CUX1: variants seen among roughly 807,000 people sequenced by gnomAD.
The protein encoded by CUX1 is protein CASP.
CUX1 carries 31 observed loss-of-function variants against 158.8 expected under a neutral mutation model. The ratio of observed to expected loss-of-function variants is 0.20; its 90% CI spans 0.15 to 0.26. The LOEUF is 0.26. Among genes scored for constraint, CUX1 ranks in the 10% least tolerant of loss-of-function variants. The pLI is 1.00. For missense variants in CUX1, 1,589 were observed against 2,014.6 expected, an observed-to-expected ratio of 0.79 and a Z score of 4.04; for synonymous variants, 879 against 862.1, an observed-to-expected ratio of 1.02 and a Z score of -0.34.
At chr7:102,094,564 TGG>T (rs1828986494) in intron 4 of CUX1, among the ~76,000 whole-genome samples, 1 of 152,162 alleles carries the variant, frequency 6.6e-6, no homozygotes, top group Non-Finnish European at 1.5e-5. Context: ...GCAGATACAG[TGG>T]GGTCCTGGCC....
chr7:101,946,929 C>T (rs923078344), intron 2 of CUX1, among the ~76,000 whole-genome samples: 5 of 152,030 alleles, frequency 3.3e-5, no homozygotes, highest in African/African-American at 9.7e-5. Context: ...GTGAGCTCGG[C>T]GGTGAGAAAA....
chr7:101,972,209 G>A (rs775295962), intron 2 of CUX1, among the ~76,000 whole-genome samples: 7 of 152,062 alleles, frequency 4.6e-5, no homozygotes, highest in South Asian at 2.1e-4. Flanking sequence ...ATCGTGATCC[G>A]CCTGCCTCCG....
At chr7:102,240,689 C>A (rs1457797266) in intron 23 of CUX1, among the ~76,000 whole-genome samples, 1 of 152,174 alleles carries the variant, frequency 6.6e-6, no homozygotes, top group African/African-American at 2.4e-5. Flanking sequence ...TGGGAAAGTT[C>A]ATGAGTTAAT....
chr7:102,193,743 A>C, intron 12 of CUX1, 99 bp from the exon 13 acceptor site: 1 of 1,211,764 alleles, frequency 8.3e-7, no homozygotes, highest in Non-Finnish European at 1.2e-6. Flanking sequence ...CAGAGGTTGC[A>C]GTGAGCCAAT....
At chr7:101,948,485 G>A (rs1010948070) in intron 2 of CUX1, among the ~76,000 whole-genome samples, 4 of 152,164 alleles carry the variant, frequency 2.6e-5, no homozygotes, top group East Asian at 1.9e-4. Flanking sequence ...GCTAGCCTTG[G>A]AACGTTGCCT....
chr7:102,125,139 T>C (rs1176920003), intron 8 of CUX1, among the ~76,000 whole-genome samples: 1 of 152,138 alleles, frequency 6.6e-6, no homozygotes, highest in Non-Finnish European at 1.5e-5. Context: ...TCCCACACTC[T>C]GTACACCACA....
At chr7:102,178,186 G>A (rs534034955) in intron 10 of CUX1, among the ~76,000 whole-genome samples, 1 of 152,334 alleles carries the variant, frequency 6.6e-6, no homozygotes, top group Admixed American at 6.5e-5. Flanking sequence ...ACAGGCGTGA[G>A]CCATTGCACC....
rs556237321 is a variant in CUX1 at position 102,250,062 on chromosome 7, G to GAAA, written c.*1030_*1032dup. On this transcript the variant is annotated 3_prime_UTR_variant, in exon 24 of 24. Transcript: ENST00000292535. ...TCAGGACAAAAAAAAGAAAAAAAAA[G>GAAA]AAAAAAAAAAAAGAAAAGATCCGAA... 3 of 802,746 alleles carry GAAA rather than the reference G, an allele frequency of 3.7e-6. No homozygotes were observed. In the African/African-American group the frequency reaches 6.2e-5, roughly 16 times the overall value. The allele number at this position is 802,746 out of a possible 1,614,324, so 49.7% of individuals were successfully genotyped here.
intron 2 of CUX1, among the ~76,000 whole-genome samples, chr7:101,980,614 A>T (rs947652046): frequency 6.6e-6 from 1 of 152,166 alleles, no homozygotes; most frequent in African/African-American, 2.4e-5. Flanking sequence ...ATTGGTTCTC[A>T]CTCAGGCAGA....
intron 1 of CUX1, among the ~76,000 whole-genome samples, chr7:101,819,336 T>G (rs1449765579): frequency 6.6e-6 from 1 of 152,220 alleles, no homozygotes; most frequent in Non-Finnish European, 1.5e-5. Context: ...ACTCTGTATG[T>G]TAGTGGAGCT....
chr7:102,135,469 G>A (rs1379303340), intron 8 of CUX1, among the ~76,000 whole-genome samples: 1 of 151,660 alleles, frequency 6.6e-6, no homozygotes, highest in Non-Finnish European at 1.5e-5. Flanking sequence ...GTGGGAGGGG[G>A]GCCAGACACA....
At position 102,249,306 on chromosome 7, in the gene CUX1, AGCCCGCG is replaced by A. The variant is rs1801223421; in HGVS notation, c.*268_*274del. 3.9e-6 allele frequency: 4 copies of A among 1,030,578 alleles called. No individual in the cohort carries two copies. Among genetic ancestry groups the A allele is most frequent in the Non-Finnish European group, 4.7e-6 (4 of 858,700 alleles). The allele number at this position is 1,030,578 out of a possible 1,614,324, so 63.8% of individuals were successfully genotyped here. On this transcript the variant is annotated 3_prime_UTR_variant, in exon 24 of 24. Coordinates refer to ENST00000292535, the MANE Select transcript of CUX1 (RefSeq NM_181552.4). Reference sequence around the variant, plus strand: ...TCCACCAACCCCGCGGCCCAGACCCAGCCCGCGGCCTGGACCCCTGGACCGCTTTGCG... The same window carrying A: ...TCCACCAACCCCGCGGCCCAGACCCAGCCTGGACCCCTGGACCGCTTTGCG...
At chr7:102,049,926 C>G (rs1295560396) in intron 3 of CUX1, among the ~76,000 whole-genome samples, 10 of 152,170 alleles carry the variant, frequency 6.6e-5, no homozygotes, top group African/African-American at 2.4e-4. Context: ...GCTCTAGGAA[C>G]AGTCTTGTCC....
intron 3 of CUX1, among the ~76,000 whole-genome samples, chr7:102,034,477 G>A (rs908698553): frequency 2.0e-5 from 3 of 151,968 alleles, no homozygotes; most frequent in Non-Finnish European, 4.4e-5. Context: ...AAAACAGGCC[G>A]GGCACTGTGG....
intron 2 of CUX1, among the ~76,000 whole-genome samples, chr7:101,981,105 TCTTTTGGC>T (rs1415650254): frequency 5.1e-4 from 77 of 152,238 alleles, no homozygotes; most frequent in Non-Finnish European, 9.9e-4. Context: ...GGGAGAGGCC[TCTTTTGGC>T]ATAGCTCCTG....
Position 102,197,312 on chromosome 7 carries a change from G to A in CUX1, c.1894+7G>A, listed in dbSNP as rs544682646. 6.2e-7 allele frequency: 1 copy of A among 1,607,840 alleles called. No individual in the cohort carries two copies. The highest frequency in any genetic ancestry group is 8.5e-7 in the Non-Finnish European group (1 of 1,175,038). Reference sequence around the variant, plus strand: ...ATCCAAGGCAGACAAAGAGGTGAGAGACTGGCGTTGGGTGGCGCCAGCGTG... The same window carrying A: ...ATCCAAGGCAGACAAAGAGGTGAGAAACTGGCGTTGGGTGGCGCCAGCGTG... On this transcript the variant is annotated splice_region_variant and intron_variant, in intron 15 of 23. Coordinates refer to ENST00000292535, the MANE Select transcript of CUX1 (RefSeq NM_181552.4).
intron 3 of CUX1, 142 bp from the exon 4 acceptor site, chr7:102,070,197 C>CCTTTTGT: frequency 3.0e-6 from 2 of 656,874 alleles, no homozygotes; most frequent in Non-Finnish European, 5.2e-6. Flanking sequence ...TGTTTGCAGG[C>CCTTTTGT]ATTTCCTCTA....
chr7:101,938,138 A>G (rs1167117812), intron 2 of CUX1, among the ~76,000 whole-genome samples: 1 of 149,606 alleles, frequency 6.7e-6, no homozygotes, highest in African/African-American at 2.5e-5. Flanking sequence ...TTTTTGAGAC[A>G]GTCTCACTCT....
intron 20 of CUX1, among the ~76,000 whole-genome samples, chr7:102,210,829 C>G (rs1459348686): frequency 1.3e-5 from 2 of 152,176 alleles, no homozygotes; most frequent in Non-Finnish European, 2.9e-5. Context: ...GCCCACGGGG[C>G]CGTGGGCTGT....
Sources: gnomAD v4.1 joint callset for allele counts (sites outside exome capture counted in the v4.1 genomes callset) on GRCh38, gnomAD v4.1.1 for gene constraint, MANE v1.5 for transcripts, NCBI Gene and HGNC (gene_info 2026-07-23, HGNC 2026-07-21) for gene names.